The following CPXM2 variants were observed in gnomAD, a reference collection of about 807,000 sequenced individuals.
CPXM2 encodes the protein inactive carboxypeptidase-like protein X2.
CPXM2 carries 66 observed loss-of-function variants against 86.1 expected under a neutral mutation model. The ratio of observed to expected loss-of-function variants is 0.77; its 90% CI spans 0.63 to 0.94. The LOEUF is 0.94. Ranked by LOEUF, CPXM2 falls within the 40% of genes least tolerant of loss-of-function variation. The pLI is 0.00. For synonymous variants in CPXM2, 388 were observed against 400.2 expected, an observed-to-expected ratio of 0.97 and a Z score of 0.36; for missense variants, 948 against 1,026.3, an observed-to-expected ratio of 0.92 and a Z score of 1.04.
chr10:123,819,463 G>T (rs1847881701), intron 4 of CPXM2, among the ~76,000 whole-genome samples: 1 of 152,190 alleles, frequency 6.6e-6, no homozygotes, highest in Non-Finnish European at 1.5e-5. Flanking sequence ...CATGTGACCA[G>T]CTGCAGAAAC....
intron 2 of CPXM2, among the ~76,000 whole-genome samples, chr10:123,939,278 A>G (rs1365826094): frequency 6.6e-6 from 1 of 152,124 alleles, no homozygotes; most frequent in Non-Finnish European, 1.5e-5. Flanking sequence ...TAGGACTCAC[A>G]TATTTAAAGT....
chr10:123,895,121 C>CTTTTTTT (rs869104432), upstream of CPXM2, among the ~76,000 whole-genome samples: 39 of 85,884 alleles, frequency 4.5e-4, no homozygotes, highest in South Asian at 9.0e-4. Flanking sequence ...TCTTTTTTTT[C>CTTTTTTT]TTTTTTTTTT....
chr10:123,842,446 C>T lies in CPXM2; in HGVS notation c.556G>A (p.Ala186Thr), dbSNP rs765724121. The T allele has an allele frequency of 2.2e-5, 36 of 1,614,056 alleles. No individual in the cohort carries two copies. The highest frequency in any genetic ancestry group is 1.6e-4 in the Middle Eastern group (1 of 6,084). ...CACTGCTGGAGGTCATTTCTTCCCGCGCACCACGCTCCGTCATAAAAATCA... is the reference window on the plus strand; with the variant it reads ...CACTGCTGGAGGTCATTTCTTCCCGTGCACCACGCTCCGTCATAAAAATCA... ...ENDFYDGAWCAGRNDLQQWIE... is the reference protein window; with the variant it reads ...ENDFYDGAWCTGRNDLQQWIE... The change falls in exon 4 of 14, where the codon GCG becomes ACG. Residue 186 changes from alanine (A) to threonine (T), a missense_variant. Ala to Thr is a moderately conservative substitution (Grantham distance 58). Coordinates refer to ENST00000241305, the MANE Select transcript of CPXM2 (RefSeq NM_198148.3).
chr10:123,910,544 C>G (rs1945480181), intron 2 of CPXM2, among the ~76,000 whole-genome samples: 1 of 152,174 alleles, frequency 6.6e-6, no homozygotes, highest in Admixed American at 6.5e-5. Flanking sequence ...GCTACCTCAG[C>G]ACCTCCTCAT....
At chr10:123,846,121 A>T (rs1470394831) in intron 3 of CPXM2, among the ~76,000 whole-genome samples, 1 of 152,192 alleles carries the variant, frequency 6.6e-6, no homozygotes, top group Non-Finnish European at 1.5e-5. Flanking sequence ...TTTTTCCACC[A>T]TCTGGGGGTG....
chr10:123,938,076 C>A (rs373152474), intron 2 of CPXM2, among the ~76,000 whole-genome samples: 1 of 151,996 alleles, frequency 6.6e-6, no homozygotes, highest in African/African-American at 2.4e-5. Flanking sequence ...CAAGAGATTT[C>A]TCTCCCTCTT....
upstream of CPXM2, among the ~76,000 whole-genome samples, chr10:123,943,687 G>A (rs1027239651): frequency 1.3e-5 from 2 of 152,222 alleles, no homozygotes; most frequent in Non-Finnish European, 2.9e-5. Flanking sequence ...CAACTGGCTG[G>A]AGCCTGTTGC....
rs1335046633 is a variant in CPXM2, at chr10:123,885,222, G to T, written c.305-4913C>A. On this transcript the variant is annotated intron_variant, in intron 1 of 13. Transcript: ENST00000241305. The surrounding 1 kb of genome is among the most constrained non-coding windows in gnomAD (Gnocchi z 4.0). ...CTGGCTGGGGACTCAGGGTGGGGTT[G>T]GGAGGGGAGATGCCTCTGAGCTGCC... 6.6e-6 allele frequency among the ~76,000 whole-genome samples: 1 copy of T among 152,210 alleles called. No homozygotes were observed. The highest frequency in any genetic ancestry group is 1.5e-5 in the Non-Finnish European group (1 of 68,028).
chr10:123,783,848 T>C (rs1427276856), intron 6 of CPXM2, among the ~76,000 whole-genome samples: 1 of 152,208 alleles, frequency 6.6e-6, no homozygotes, highest in Non-Finnish European at 1.5e-5. Flanking sequence ...GTTACTTCTA[T>C]ACCTCCTGTA....
At chr10:123,922,193 A>G (rs969478487) in intron 2 of CPXM2, among the ~76,000 whole-genome samples, 1 of 152,186 alleles carries the variant, frequency 6.6e-6, no homozygotes, top group Non-Finnish European at 1.5e-5. Context: ...ATATGTCTCC[A>G]GACATTGCCA....
At chr10:123,772,711 C>T (rs1026450891) in intron 7 of CPXM2, among the ~76,000 whole-genome samples, 1 of 151,826 alleles carries the variant, frequency 6.6e-6, no homozygotes, top group East Asian at 1.9e-4. Flanking sequence ...TGGTTAACAC[C>T]TCTCTGGTTG....
chr10:123,875,483 T>C (rs879296780), intron 2 of CPXM2, among the ~76,000 whole-genome samples: 2 of 152,194 alleles, frequency 1.3e-5, no homozygotes, highest in African/African-American at 4.8e-5. Context: ...GGTCTGGGAA[T>C]AGCTGTGCCA....
chr10:123,937,959 C>T (rs1945738320), intron 2 of CPXM2, among the ~76,000 whole-genome samples: 1 of 152,132 alleles, frequency 6.6e-6, no homozygotes, highest in African/African-American at 2.4e-5. Context: ...GTGGAAGCAG[C>T]TCTGTCTTCC....
intron 2 of CPXM2, among the ~76,000 whole-genome samples, chr10:123,919,043 C>CTG (rs34985730): frequency 0.32 from 48,032 of 151,786 alleles, 7,876 homozygotes; most frequent in African/African-American, 0.39. Context: ...GCCCCTAAAT[C>CTG]TGTTTGAAGC....
At chr10:123,880,622 G>T (rs371445652) in intron 1 of CPXM2, among the ~76,000 whole-genome samples, 2 of 152,070 alleles carry the variant, frequency 1.3e-5, no homozygotes, top group East Asian at 1.9e-4. Flanking sequence ...AAGGTCAGGA[G>T]ATCAAGACCA....
intron 2 of CPXM2, among the ~76,000 whole-genome samples, chr10:123,906,305 C>A (rs1386144304): frequency 2.0e-5 from 3 of 152,182 alleles, no homozygotes; most frequent in Non-Finnish European, 4.4e-5. Flanking sequence ...AGAGATGGAA[C>A]CAAGGTGCTT....
intron 2 of CPXM2, among the ~76,000 whole-genome samples, chr10:123,866,019 G>T (rs1344678168): frequency 6.6e-6 from 1 of 151,920 alleles, no homozygotes; most frequent in Non-Finnish European, 1.5e-5. Context: ...CACAGCCCTG[G>T]TTTCCATCAC....
intron 1 of CPXM2, among the ~76,000 whole-genome samples, chr10:123,882,911 G>A (rs570861440): frequency 7.5e-4 from 107 of 142,696 alleles, no homozygotes; most frequent in African/African-American, 2.8e-3. Context: ...ACCATGGCCT[G>A]CGCAGCTTCT....
At chr10:123,939,530 T>A (rs1304342793) in exon 2 of CPXM2, 1 of 152,208 alleles carries the variant, frequency 6.6e-6, no homozygotes, top group African/African-American at 2.4e-5. Context: ...AGTTTCTTCA[T>A]CCTTAAAATA....
Sources: allele counts gnomAD v4.1 joint callset (sites outside exome capture counted in the v4.1 genomes callset), GRCh38; gene constraint gnomAD v4.1.1; non-coding constraint Gnocchi (gnomAD v3.1); transcripts MANE v1.5; gene names NCBI Gene and HGNC (gene_info 2026-07-23, HGNC 2026-07-21).